Variants in RPS6KA4 observed in about 807,000 individuals in gnomAD.
RPS6KA4 encodes the protein ribosomal protein S6 kinase A4.
Under a neutral mutation model 89.6 loss-of-function variants are expected in RPS6KA4, and 38 were observed. The observed-to-expected ratio is 0.42, with a 90% CI of 0.33 to 0.56. The LOEUF is 0.56. Ranked by LOEUF, RPS6KA4 falls within the 20% of genes least tolerant of loss-of-function variation. The probability of loss-of-function intolerance (pLI) is 0.07; values close to 1 mark genes in which losing one functional copy is unlikely to be tolerated. For missense variants in RPS6KA4, 873 were observed against 1,098.8 expected, an observed-to-expected ratio of 0.79 and a Z score of 2.90; for synonymous variants, 495 against 492.8, an observed-to-expected ratio of 1.00 and a Z score of -0.06.
intron 8 of RPS6KA4, 66 bp downstream of exon 8, chr11:64,362,068 A>T: frequency 2.6e-6 from 4 of 1,530,656 alleles, no homozygotes; most frequent in Middle Eastern, 3.5e-4. Context: ...TTCCAGGTTG[A>T]GGTTGTGCCT....
chr11:64,364,661 TC>T (rs2036833229), intron 8 of RPS6KA4, among the ~76,000 whole-genome samples: 1 of 151,346 alleles, frequency 6.6e-6, no homozygotes, highest in Admixed American at 6.6e-5. Context: ...CCTGAGAGGG[TC>T]CCCAGCAGTT....
chr11:64,366,706 A>G (rs1255808361), intron 9 of RPS6KA4, among the ~76,000 whole-genome samples: 1 of 152,202 alleles, frequency 6.6e-6, no homozygotes, highest in East Asian at 1.9e-4. Context: ...AGCAGTCTAC[A>G]TGGCAAGCTT....
At position 64,369,840 on chromosome 11, in the gene RPS6KA4, G is replaced by T. The variant is rs1373217672; in HGVS notation, c.1744G>T (p.Ala582Ser). 1 of 1,585,180 alleles carries T rather than the reference G, an allele frequency of 6.3e-7. No individual in the cohort carries two copies. The highest frequency in any genetic ancestry group is 2.3e-5 in the East Asian group (1 of 43,076). The change falls in exon 14 of 17, where the codon GCG becomes TCG. Residue 582 changes from alanine (A) to serine (S), a missense_variant. Transcript: ENST00000334205. Reference protein sequence around the residue: ...TLQYAAPELLAQQGYDESCDL... With the variant: ...TLQYAAPELLSQQGYDESCDL... ...GCAGTACGCTGCCCCCGAGCTGCTG[G>T]CGCAGCAGGGCTACGACGAGTCCTG...
chr11:64,363,029 A>G (rs1203383803), intron 8 of RPS6KA4, among the ~76,000 whole-genome samples: 2 of 152,156 alleles, frequency 1.3e-5, no homozygotes, highest in Non-Finnish European at 2.9e-5. Context: ...GCTCCAAACA[A>G]TTAAGTACTT....
rs1274095384 is a variant in RPS6KA4 at position 64,360,574 on chromosome 11, C to T, written c.444C>T (p.Ala148=). The T allele has an allele frequency of 1.2e-6, 2 of 1,608,364 alleles. No individual in the cohort carries two copies. The highest frequency in any genetic ancestry group is 1.7e-6 in the Non-Finnish European group (2 of 1,177,498). ...TGTATGGGGGTGAGATCGTGCTGGC[C>T]CTGGAACACCTGCACAAGGTGGGTG... The part of the protein sequence containing the change: ...VRVYGGEIVL[A]LEHLHKLGII... Residue 148 remains alanine (A), a synonymous_variant, in exon 4 of 17, where the codon GCC becomes GCT. Transcript: ENST00000334205.
chr11:64,361,465 C>A lies in RPS6KA4; in HGVS notation c.571-4C>A. 1 of 1,614,052 alleles carries A rather than the reference C, an allele frequency of 6.2e-7. No homozygotes were observed. Among genetic ancestry groups the A allele is most frequent in the Admixed American group, 1.7e-5 (1 of 60,022 alleles). The stretch of plus-strand genomic sequence containing the variant: ...CATCTAAGCAGGACCTCTTGCCCTC[C>A]CAGAAAGAGCGGACCTTCTCCTTCT... On this transcript the variant is annotated splice_polypyrimidine_tract_variant and splice_region_variant and intron_variant, in intron 5 of 16. Transcript: ENST00000334205. This position sits in a 1 kb window ranked among gnomAD's most constrained non-coding sequence, Gnocchi z 4.7.
Position 64,370,261 on chromosome 11 carries a change from G to A in RPS6KA4, c.1834G>A (p.Ala612Thr). 6.3e-7 allele frequency: 1 copy of A among 1,575,436 alleles called. No individual in the cohort carries two copies. Among genetic ancestry groups the A allele is most frequent in the South Asian group, 1.2e-5 (1 of 85,302 alleles). ...MLSGQVPFQG[A>T]SGQGGQSQAA... is the part of the protein sequence containing the mutation. The stretch of plus-strand genomic sequence containing the variant: ...GTCGGGGCAGGTCCCCTTCCAGGGG[G>A]CCTCTGGCCAGGGCGGGCAGAGCCA... The change falls in exon 15 of 17, where the codon GCC becomes ACC. Residue 612 changes from alanine to threonine, a missense_variant. Transcript: ENST00000334205. The surrounding 1 kb of genome is among the most constrained non-coding windows in gnomAD (Gnocchi z 4.1).
Position 64,371,607 on chromosome 11 carries a change from C to T in RPS6KA4, c.*127C>T. 1.8e-6 allele frequency: 1 copy of T among 568,366 alleles called. No homozygotes were observed. The highest frequency in any genetic ancestry group is 3.1e-6 in the Non-Finnish European group (1 of 319,698). The allele number at this position is 568,366 out of a possible 1,614,324, so 35.2% of individuals were successfully genotyped here. On this transcript the variant is annotated 3_prime_UTR_variant, in exon 17 of 17. Transcript: ENST00000334205. ...TGTCCTTTCCTCTCCTACCCCACCC[C>T]ACTCCCAGACAGAGCAGAAGTATTT...
At chr11:64,360,037 C>A in intron 2 of RPS6KA4, 126 bp from the exon 3 acceptor site, 1 of 880,484 alleles carries the variant, frequency 1.1e-6, no homozygotes, top group Non-Finnish European at 1.7e-6. Flanking sequence ...TTTTGCACAC[C>A]TGCCTGTTGC....
Position 64,370,402 on chromosome 11 carries a change from A to C in RPS6KA4, c.1957+18A>C, listed in dbSNP as rs1007287362. ...GGTCCGAGGTGCGGAGCTGGAGGTC[A>C]TAGACCATGGTTGGGGAGGGGGACG... On this transcript the variant is annotated intron_variant, in intron 15 of 16. Transcript: ENST00000334205. The surrounding 1 kb of genome is among the most constrained non-coding windows in gnomAD (Gnocchi z 4.1). 3 of 1,610,108 alleles carry C rather than the reference A, an allele frequency of 1.9e-6. No individual in the cohort carries two copies. The African/African-American group carries it at 4.0e-5, about 22-fold the overall frequency.
In RPS6KA4 at chr11:64,371,352, C is replaced by G. The variant is rs751093165; in HGVS notation, c.2191C>G (p.Arg731Gly). The change falls in exon 17 of 17, where the codon CGG becomes GGG. Residue 731 changes from arginine to glycine, a missense_variant. Coordinates refer to ENST00000334205, the MANE Select transcript of RPS6KA4 (RefSeq NM_003942.3). ...GGAGAATGCACCCCTGGCCAAGCGG[C>G]GGAAGCAGAAGCTGCGGAGCGCCAC... Reference protein sequence around the residue: ...SVENAPLAKRRKQKLRSATAS... With the variant: ...SVENAPLAKRGKQKLRSATAS... The G allele has an allele frequency of 6.2e-7, 1 of 1,612,786 alleles. No individual in the cohort carries two copies.
At chr11:64,368,040 G>T (rs1258127504) in intron 9 of RPS6KA4, 92 bp from the exon 10 acceptor site, 1 of 1,429,330 alleles carries the variant, frequency 7.0e-7, no homozygotes. Context: ...CTTGTCCAGG[G>T]TCTTGCCTTT....
rs1307977590 is a variant in RPS6KA4, at chr11:64,366,973, TCA to T, written c.1072-1156_1072-1155del. On this transcript the variant is annotated intron_variant, in intron 9 of 16. Transcript: ENST00000334205. ...AATGTCCACATTCCATTCCATTGTC[TCA>T]CAGCCCTCATGATAAAGTTCTTTCT... Among the ~76,000 whole-genome samples, 11 of 152,326 alleles carry T rather than the reference TCA, an allele frequency of 7.2e-5. No homozygotes were observed. In the South Asian group the frequency reaches 1.4e-3, roughly 20 times the overall value.
At position 64,370,690 on chromosome 11, in the gene RPS6KA4, G is replaced by A; in HGVS notation, c.2085G>A (p.Gly695=). The stretch of plus-strand genomic sequence containing the variant: ...CGCCCGACGTGCTCGAGTCCTCTGG[G>A]CCCGCAGTGCGCTCGGGTCTCAACG... ...LRTPDVLESS[G]PAVRSGLNAT... The change falls in exon 16 of 17, where the codon GGG becomes GGA. Residue 695 remains glycine (G), a synonymous_variant. Transcript: ENST00000334205. This position sits in a 1 kb window ranked among gnomAD's most constrained non-coding sequence, Gnocchi z 4.1. 6.4e-7 allele frequency: 1 copy of A among 1,570,284 alleles called. No homozygotes were observed. Among genetic ancestry groups the A allele is most frequent in the Non-Finnish European group, 8.6e-7 (1 of 1,163,694 alleles).
Position 64,361,956 on chromosome 11 carries a change from C to G in RPS6KA4, c.860C>G (p.Ala287Gly). The G allele has an allele frequency of 3.1e-6, 5 of 1,610,486 alleles. No individual in the cohort carries two copies. The highest frequency in any genetic ancestry group is 4.2e-6 in the Non-Finnish European group (5 of 1,179,016). The change falls in exon 8 of 17, where the codon GCG (alanine) becomes GGG (glycine). Residue 287 changes from alanine to glycine, a missense_variant. Transcript: ENST00000334205. The surrounding 1 kb of genome is among the most constrained non-coding windows in gnomAD (Gnocchi z 4.7). ...LCKDPKKRLG[A>G]GPQGAQEVRN... ...AAGGATCCTAAGAAGCGATTGGGCG[C>G]GGGGCCCCAGGGGGCACAAGAAGTC...
rs200128132 is a variant in RPS6KA4, at chr11:64,368,236, G to A, written c.1176G>A (p.Ala392=). The change falls in exon 10 of 17, where the codon GCG becomes GCA. Residue 392 remains alanine, a synonymous_variant. Transcript: ENST00000334205. ...PGAGDRPGRA[A]VARSAMMQDS... ...CTGGAGACCGGCCAGGTCGGGCAGCGGTGGCCAGGAGCGCTATGATGCAGG... is the reference window on the plus strand; with the variant it reads ...CTGGAGACCGGCCAGGTCGGGCAGCAGTGGCCAGGAGCGCTATGATGCAGG... 3.1e-6 allele frequency: 5 copies of A among 1,613,384 alleles called. No individual in the cohort carries two copies. The highest frequency in any genetic ancestry group is 1.3e-5 in the African/African-American group (1 of 74,946).
rs746739015 is a variant in RPS6KA4 at position 64,369,782 on chromosome 11, C to T, written c.1686C>T (p.Pro562=). 9 of 1,610,782 alleles carry T rather than the reference C, an allele frequency of 5.6e-6. No individual in the cohort carries two copies. The East Asian group carries it at 2.0e-4, about 36-fold the overall frequency. The change falls in exon 14 of 17, where the codon CCC becomes CCT. Residue 562 remains proline, a synonymous_variant. Coordinates refer to ENST00000334205, the MANE Select transcript of RPS6KA4 (RefSeq NM_003942.3). ...FGFARLRPQS[P]GVPMQTPCFT... is the part of the protein sequence containing the mutation. Reference sequence around the variant, plus strand: ...TCGCGCGGTTGCGGCCGCAGAGTCCCGGGGTGCCCATGCAGACGCCCTGCT... The same window carrying T: ...TCGCGCGGTTGCGGCCGCAGAGTCCTGGGGTGCCCATGCAGACGCCCTGCT...
intron 2 of RPS6KA4, 121 bp downstream of exon 2, chr11:64,359,570 T>A: frequency 9.6e-7 from 1 of 1,042,622 alleles, no homozygotes; most frequent in Non-Finnish European, 1.4e-6. Flanking sequence ...CGGCACAGCC[T>A]GCCTTGCCTG....
At chr11:64,369,360 C>T (rs908992715) in intron 12 of RPS6KA4, 86 bp from the exon 13 acceptor site, 1 of 1,404,478 alleles carries the variant, frequency 7.1e-7, no homozygotes, top group South Asian at 1.4e-5. Context: ...TGGCAGGGCC[C>T]GAAGGCCGGG....
Sources: allele counts gnomAD v4.1 joint callset (sites outside exome capture counted in the v4.1 genomes callset), GRCh38; gene constraint gnomAD v4.1.1; non-coding constraint Gnocchi (gnomAD v3.1); transcripts MANE v1.5; gene names NCBI Gene and HGNC (gene_info 2026-07-23, HGNC 2026-07-21).